The following PTPRM variants were observed in gnomAD, a reference collection of about 807,000 sequenced individuals.
PTPRM encodes receptor-type tyrosine-protein phosphatase mu.
PTPRM carries 47 observed loss-of-function variants against 186.7 expected under a neutral mutation model. The observed-to-expected ratio is 0.25, with a 90% CI of 0.20 to 0.32. The LOEUF (loss-of-function observed/expected upper bound fraction) is 0.32. Ranked by LOEUF, PTPRM falls within the 10% of genes least tolerant of loss-of-function variation. The pLI, the probability that PTPRM is intolerant of heterozygous loss-of-function variation, is 1.00. For synonymous variants in PTPRM, 668 were observed against 674.9 expected (o/e 0.99, Z 0.16); for missense variants, 1,494 against 1,865.0 (o/e 0.80, Z 3.66).
intron 2 of PTPRM, among the ~76,000 whole-genome samples, chr18:7,844,035 GTGGTCAC>G (rs1038316783): frequency 1.3e-5 from 2 of 152,152 alleles, no homozygotes; most frequent in African/African-American, 4.8e-5. Context: ...GAGGGGGCAG[GTGGTCAC>G]TGCTGCACTG....
intron 7 of PTPRM, among the ~76,000 whole-genome samples, chr18:7,986,515 C>G (rs959808997): frequency 7.2e-5 from 11 of 152,266 alleles, no homozygotes; most frequent in Middle Eastern, 3.4e-3. Flanking sequence ...AGCCTGTGCC[C>G]TGACATGGAG....
In PTPRM at chr18:8,125,853, C is replaced by G. The variant is rs1226058071; in HGVS notation, c.2167+11026C>G. Among the ~76,000 whole-genome samples the G allele has an allele frequency of 2.0e-5, 3 of 151,120 alleles. No individual in the cohort carries two copies. The East Asian group carries it at 5.9e-4, about 29-fold the overall frequency. ...AGAAAGCTATACATGGTAGGAATTT[C>G]TCTTTAAAAACTTTTTATTTTTCAC... On this transcript the variant is annotated intron_variant, in intron 13 of 32. Coordinates refer to ENST00000580170, the MANE Select transcript of PTPRM (RefSeq NM_001105244.2).
intron 31 of PTPRM, among the ~76,000 whole-genome samples, chr18:8,388,886 G>A (rs544101834): frequency 1.5e-3 from 231 of 152,268 alleles, no homozygotes; most frequent in Non-Finnish European, 2.8e-3. Flanking sequence ...GCGTGAACCC[G>A]GGAGGCGGAG....
In PTPRM at chr18:7,594,746, A is replaced by G. The variant is rs545037004; in HGVS notation, c.73+26855A>G. On this transcript the variant is annotated intron_variant, in intron 1 of 32. Coordinates refer to ENST00000580170, the MANE Select transcript of PTPRM (RefSeq NM_001105244.2). ...TCTTCTCATTAACAATTTTCTTGTC[A>G]ATATGGCAGAATAATGTGTGCTTTT... is the stretch of plus-strand genomic sequence containing the variant. Among the ~76,000 whole-genome samples, 112 of 151,206 alleles carry G rather than the reference A, an allele frequency of 7.4e-4. 1 individual carries two copies. Among genetic ancestry groups the G allele is most frequent in the Admixed American group, 3.0e-3 (45 of 15,240 alleles).
chr18:8,144,476 G>A (rs925490305), intron 14 of PTPRM, among the ~76,000 whole-genome samples: 2 of 152,048 alleles, frequency 1.3e-5, no homozygotes, highest in Admixed American at 6.6e-5. Context: ...ACAAAAATTT[G>A]TTGGGCGTGG....
rs746746551 is a variant in PTPRM at position 8,379,359 on chromosome 18, G to T, written c.3786+19G>T. ...CATGGACGTGAGTGCCCCGCTTCCCGCACGGGTCCGAGGCTGGGGTGTTTG... is the reference window on the plus strand; with the variant it reads ...CATGGACGTGAGTGCCCCGCTTCCCTCACGGGTCCGAGGCTGGGGTGTTTG... On this transcript the variant is annotated intron_variant, in intron 28 of 32. Transcript: ENST00000580170. 2 of 1,587,032 alleles carry T rather than the reference G, an allele frequency of 1.3e-6. No homozygotes were observed. The highest frequency in any genetic ancestry group is 1.7e-6 in the Non-Finnish European group (2 of 1,167,300).
At chr18:7,574,445 T>C (rs1291128583) in intron 1 of PTPRM, among the ~76,000 whole-genome samples, 3 of 152,380 alleles carry the variant, frequency 2.0e-5, no homozygotes, top group East Asian at 3.9e-4. Context: ...GAATATTTAA[T>C]AGTGCTTATT....
chr18:7,994,469 A>G (rs2083431664), intron 7 of PTPRM, among the ~76,000 whole-genome samples: 1 of 152,150 alleles, frequency 6.6e-6, no homozygotes, highest in African/African-American at 2.4e-5. Context: ...TACCCTACAG[A>G]CCACATGGAC....
At chr18:8,390,246 T>A (rs548997766) in intron 31 of PTPRM, among the ~76,000 whole-genome samples, 1 of 152,280 alleles carries the variant, frequency 6.6e-6, no homozygotes, top group African/African-American at 2.4e-5. Context: ...CCTGGACACG[T>A]TGGTCTCCCT....
chr18:8,362,239 G>A (rs190624434), intron 23 of PTPRM, among the ~76,000 whole-genome samples: 14 of 152,236 alleles, frequency 9.2e-5, no homozygotes, highest in South Asian at 2.1e-4. Context: ...CAATTAGTTC[G>A]CACCTTGCAC....
At chr18:8,273,294 A>C (rs1032318638) in intron 19 of PTPRM, among the ~76,000 whole-genome samples, 1 of 152,140 alleles carries the variant, frequency 6.6e-6, no homozygotes, top group African/African-American at 2.4e-5. Context: ...TTCCCTATAT[A>C]GGAAGTTCAT....
At chr18:8,291,598 C>T (rs943268356) in intron 19 of PTPRM, among the ~76,000 whole-genome samples, 6 of 152,016 alleles carry the variant, frequency 3.9e-5, no homozygotes, top group African/African-American at 1.4e-4. Context: ...AACTTTTGAC[C>T]TCTTAAAGAT....
At chr18:8,129,013 T>G (rs949863929) in intron 13 of PTPRM, among the ~76,000 whole-genome samples, 3 of 152,178 alleles carry the variant, frequency 2.0e-5, no homozygotes, top group African/African-American at 7.2e-5. Flanking sequence ...AACCTAACTT[T>G]TAATTTTGAC....
chr18:8,306,177 G>A (rs1191303118), intron 20 of PTPRM, among the ~76,000 whole-genome samples: 7 of 152,198 alleles, frequency 4.6e-5, no homozygotes, highest in South Asian at 4.1e-4. Flanking sequence ...GATTACAGGC[G>A]TGAGCCACTG....
chr18:7,796,260 C>T (rs1482636644), intron 2 of PTPRM, among the ~76,000 whole-genome samples: 1 of 152,028 alleles, frequency 6.6e-6, no homozygotes, highest in Admixed American at 6.5e-5. Flanking sequence ...CTGTGGATGG[C>T]AGGTGCCCCT....
At chr18:8,261,976 G>T (rs143514937) in intron 19 of PTPRM, among the ~76,000 whole-genome samples, 2 of 152,042 alleles carry the variant, frequency 1.3e-5, no homozygotes, top group African/African-American at 2.4e-5. Context: ...GATAGTGAAC[G>T]TGCCCGTGTG....
chr18:7,992,430 T>A (rs1224281247), intron 7 of PTPRM, among the ~76,000 whole-genome samples: 1 of 152,144 alleles, frequency 6.6e-6, no homozygotes, highest in Non-Finnish European at 1.5e-5. Context: ...GTACTTCCTT[T>A]GTACACTTAA....
intron 7 of PTPRM, among the ~76,000 whole-genome samples, chr18:8,000,696 TAG>T (rs2083817241): frequency 6.6e-6 from 1 of 152,186 alleles, no homozygotes; most frequent in Admixed American, 6.5e-5. Flanking sequence ...GATAGAAACA[TAG>T]AGTTACACCT....
At chr18:7,982,033 A>T (rs1451376079) in intron 7 of PTPRM, among the ~76,000 whole-genome samples, 1 of 152,178 alleles carries the variant, frequency 6.6e-6, no homozygotes, top group Admixed American at 6.5e-5. Context: ...ACTGTACACC[A>T]CTGTAGACTT....
Sources: allele counts gnomAD v4.1 joint callset (sites outside exome capture counted in the v4.1 genomes callset), GRCh38; gene constraint gnomAD v4.1.1; transcripts MANE v1.5; gene names NCBI Gene and HGNC (gene_info 2026-07-23, HGNC 2026-07-21).